Variants in KHDRBS2 observed in about 807,000 individuals in gnomAD.
The protein encoded by KHDRBS2 is KH RNA binding domain containing, signal transduction associated 2, also known as KH domain-containing, RNA-binding, signal transduction-associated protein 2.
In KHDRBS2, 26 loss-of-function variants were observed where a neutral mutation model predicts 44.3. The observed-to-expected ratio is 0.59, with a 90% CI of 0.43 to 0.81. The LOEUF (loss-of-function observed/expected upper bound fraction) is 0.81. Among genes scored for constraint, KHDRBS2 ranks in the 40% least tolerant of loss-of-function variants. KHDRBS2 has a pLI of 0.00. For synonymous variants in KHDRBS2, 194 were observed against 151.1 expected, an observed-to-expected ratio of 1.28 and a Z score of -2.08; for missense variants, 476 against 433.1, an observed-to-expected ratio of 1.10 and a Z score of -0.88.
chr6:61,620,658 A>G, the KHDRBS2 span, among the ~76,000 whole-genome samples: 1 of 152,206 alleles, frequency 6.6e-6, no homozygotes, highest in Non-Finnish European at 1.5e-5. Context: ...TGCTGCAAAG[A>G]GAGCAGTTGG....
chr6:61,739,526 C>A (rs1775853802), intron 6 of KHDRBS2, among the ~76,000 whole-genome samples: 1 of 151,766 alleles, frequency 6.6e-6, no homozygotes, highest in Non-Finnish European at 1.5e-5. Flanking sequence ...CTGAATTAGA[C>A]AATGGTTTTG....
intron 2 of KHDRBS2, among the ~76,000 whole-genome samples, chr6:62,152,278 C>T (rs1815374265): frequency 6.6e-6 from 1 of 152,150 alleles, no homozygotes; most frequent in Non-Finnish European, 1.5e-5. Flanking sequence ...GAGATCGTGC[C>T]ACTGCACTCC....
At chr6:61,890,209 A>C (rs1801608089) in intron 6 of KHDRBS2, among the ~76,000 whole-genome samples, 1 of 152,228 alleles carries the variant, frequency 6.6e-6, no homozygotes, top group Non-Finnish European at 1.5e-5. Context: ...ATGGAGGCTC[A>C]GTGAGTGACT....
chr6:62,203,136 T>C (rs1043534525), intron 1 of KHDRBS2, among the ~76,000 whole-genome samples: 2 of 151,576 alleles, frequency 1.3e-5, no homozygotes, highest in African/African-American at 4.9e-5. Context: ...GGGAGGAGAG[T>C]GGAGAGGTAT....
intron 2 of KHDRBS2, among the ~76,000 whole-genome samples, chr6:62,095,198 A>G (rs919317365): frequency 5.9e-5 from 9 of 151,840 alleles, no homozygotes; most frequent in African/African-American, 1.9e-4. Flanking sequence ...CCCTTTCACA[A>G]TAGCTATGAA....
intron 3 of KHDRBS2, among the ~76,000 whole-genome samples, chr6:61,994,468 T>C (rs1211240097): frequency 6.6e-6 from 1 of 152,184 alleles, no homozygotes; most frequent in African/African-American, 2.4e-5. Context: ...TCTGGAAAGA[T>C]GGCCTTGATG....
At chr6:62,137,601 CTG>C (rs2150095287) in intron 2 of KHDRBS2, among the ~76,000 whole-genome samples, 1 of 152,214 alleles carries the variant, frequency 6.6e-6, no homozygotes, top group Non-Finnish European at 1.5e-5. Context: ...ATTGGGCAAA[CTG>C]GAGAAGGCAT....
At chr6:62,076,458 T>C (rs924615888) in intron 2 of KHDRBS2, among the ~76,000 whole-genome samples, 1 of 152,066 alleles carries the variant, frequency 6.6e-6, no homozygotes, top group Non-Finnish European at 1.5e-5. Flanking sequence ...AAGTCAAGGT[T>C]CATTAAGTGG....
At chr6:62,231,512 A>G (rs1204792914) in intron 1 of KHDRBS2, among the ~76,000 whole-genome samples, 2 of 152,150 alleles carry the variant, frequency 1.3e-5, no homozygotes, top group African/African-American at 4.8e-5. Flanking sequence ...TTTCCTTGAC[A>G]CACGGGGATT....
chr6:61,977,972 T>C (rs974598347), intron 4 of KHDRBS2, 94 bp downstream of exon 4: 1 of 1,052,346 alleles, frequency 9.5e-7, no homozygotes, highest in East Asian at 2.5e-5. Flanking sequence ...GTTTGCAATA[T>C]GAGTTTCCTT....
chr6:62,151,558 C>T (rs768658772), intron 2 of KHDRBS2, among the ~76,000 whole-genome samples: 12 of 152,136 alleles, frequency 7.9e-5, no homozygotes, highest in Non-Finnish European at 1.5e-4. Flanking sequence ...ACAATTTAAT[C>T]TTCTCCAGGC....
chr6:62,217,046 G>T (rs1272825356), intron 1 of KHDRBS2, among the ~76,000 whole-genome samples: 1 of 145,100 alleles, frequency 6.9e-6, no homozygotes, highest in Non-Finnish European at 1.5e-5. Flanking sequence ...AAAAAAAAAG[G>T]TGCCAAAGAA....
intron 7 of KHDRBS2, among the ~76,000 whole-genome samples, chr6:61,713,865 CTA>C (rs1222581450): frequency 1.3e-5 from 2 of 151,692 alleles, no homozygotes; most frequent in African/African-American, 4.8e-5. Context: ...AACTAGATCC[CTA>C]TCTTTTACCA....
At chr6:61,989,089 A>T (rs564657107) in intron 3 of KHDRBS2, among the ~76,000 whole-genome samples, 18 of 152,142 alleles carry the variant, frequency 1.2e-4, no homozygotes, top group Non-Finnish European at 1.8e-4. Flanking sequence ...TTGAAAATAG[A>T]TTTCCCCACT....
intron 4 of KHDRBS2, among the ~76,000 whole-genome samples, chr6:61,934,214 A>G (rs1810619189): frequency 6.6e-6 from 1 of 151,874 alleles, no homozygotes; most frequent in Non-Finnish European, 1.5e-5. Flanking sequence ...CCCTTGTCAG[A>G]TATATACTTT....
chr6:61,584,990 C>A, the KHDRBS2 span, among the ~76,000 whole-genome samples: 2 of 151,586 alleles, frequency 1.3e-5, no homozygotes, highest in Non-Finnish European at 2.9e-5. Flanking sequence ...TAAATTTATA[C>A]CAAAATTGTA....
At chr6:61,990,285 G>A (rs960935959) in intron 3 of KHDRBS2, among the ~76,000 whole-genome samples, 1 of 152,168 alleles carries the variant, frequency 6.6e-6, no homozygotes, top group African/African-American at 2.4e-5. Flanking sequence ...TAACAAAGAT[G>A]ATGAAGGAAA....
At chr6:61,655,561 C>T in the KHDRBS2 span, among the ~76,000 whole-genome samples, 4 of 151,952 alleles carry the variant, frequency 2.6e-5, no homozygotes, top group East Asian at 1.9e-4. Flanking sequence ...TGCCTAAATA[C>T]GTATTTTTAA....
intron 6 of KHDRBS2, among the ~76,000 whole-genome samples, chr6:61,788,802 G>T (rs1390137109): frequency 6.6e-6 from 1 of 150,748 alleles, no homozygotes; most frequent in Admixed American, 6.6e-5. Context: ...GAAGTAAAAT[G>T]TTCATAGATT....
Sources: gnomAD v4.1 joint callset for allele counts (sites outside exome capture counted in the v4.1 genomes callset) on GRCh38, gnomAD v4.1.1 for gene constraint, MANE v1.5 for transcripts, NCBI Gene and HGNC (gene_info 2026-07-23, HGNC 2026-07-21) for gene names.